Variants in CNBD1 observed in about 807,000 individuals in gnomAD.
The protein encoded by CNBD1 is cyclic nucleotide binding domain containing 1.
In CNBD1, 71 loss-of-function variants were observed where a neutral mutation model predicts 54.4. The ratio of observed to expected loss-of-function variants is 1.30; its 90% CI spans 1.08 to 1.59. The LOEUF is 1.59. Ranked by LOEUF, CNBD1 falls within the 40% of genes most tolerant of loss-of-function variation. The pLI is 0.00. For missense variants in CNBD1, 659 were observed against 518.0 expected (o/e 1.27, Z -2.64); for synonymous variants, 182 against 170.7 (o/e 1.07, Z -0.51).
intron 6 of CNBD1, among the ~76,000 whole-genome samples, chr8:87,240,823 T>C (rs1416735659): frequency 1.3e-5 from 2 of 152,040 alleles, no homozygotes; most frequent in African/African-American, 4.8e-5. Context: ...TGGTGTTGCC[T>C]CCTAGAGGGC....
chr8:87,270,043 A>G (rs543167133), intron 6 of CNBD1, among the ~76,000 whole-genome samples: 1 of 152,142 alleles, frequency 6.6e-6, no homozygotes, highest in East Asian at 1.9e-4. Flanking sequence ...AGCAGCACAT[A>G]TAAAAGTTAA....
chr8:87,143,851 A>G (rs537614578), intron 4 of CNBD1, among the ~76,000 whole-genome samples: 53 of 152,290 alleles, frequency 3.5e-4, no homozygotes, highest in African/African-American at 1.1e-3. Context: ...TTTAAAAAAC[A>G]TTATTTTAAG....
chr8:86,877,398 T>C (rs1808536995), intron 1 of CNBD1, among the ~76,000 whole-genome samples: 1 of 152,186 alleles, frequency 6.6e-6, no homozygotes, highest in Non-Finnish European at 1.5e-5. Context: ...CAGTGCTTAC[T>C]AGGCGAAATT....
Position 87,315,385 on chromosome 8 carries a change from AT to A in CNBD1, c.1042+28725del, listed in dbSNP as rs112581986. Among the ~76,000 whole-genome samples, 198 of 147,718 alleles carry A rather than the reference AT, an allele frequency of 1.3e-3. 1 individual carries two copies. The East Asian group carries it at 0.026, about 19-fold the overall frequency. On this transcript the variant is annotated intron_variant, in intron 8 of 10. Transcript: ENST00000518476. ...TAGGTAATTTATTTTAAAAATAGAG[AT>A]TTTTTTTTTTGGCTCATGGTTCTGC...
intron 6 of CNBD1, among the ~76,000 whole-genome samples, chr8:87,240,768 G>A (rs945313717): frequency 6.6e-6 from 1 of 152,230 alleles, no homozygotes; most frequent in Admixed American, 6.5e-5. Context: ...TCCAAATATA[G>A]GCTCGTTTTC....
intron 8 of CNBD1, among the ~76,000 whole-genome samples, chr8:87,351,086 C>T (rs748005559): frequency 6.6e-6 from 1 of 152,110 alleles, no homozygotes; most frequent in Non-Finnish European, 1.5e-5. Flanking sequence ...AAAGTAAGGA[C>T]TCCTAATTAA....
At chr8:87,421,115 GGTT>G (rs1236543814) in intron 2 of CNBD1, among the ~76,000 whole-genome samples, 1 of 151,632 alleles carries the variant, frequency 6.6e-6, no homozygotes, top group East Asian at 1.9e-4. Context: ...ATATAGTTTG[GGTT>G]GTATTGATTC....
chr8:87,255,991 ATATATATATATATATATATATATATTTT>A (rs1808002599), intron 6 of CNBD1, among the ~76,000 whole-genome samples: 2 of 11,542 alleles, frequency 1.7e-4, no homozygotes, highest in South Asian at 2.7e-3. Context: ...ATATATATAT[ATATATATATATATATATATATATATTTT>A]TTTTTTTTTT....
At chr8:86,951,793 C>T (rs988325515) in intron 4 of CNBD1, among the ~76,000 whole-genome samples, 1 of 151,440 alleles carries the variant, frequency 6.6e-6, no homozygotes, top group Non-Finnish European at 1.5e-5. Flanking sequence ...ATTCACGTTG[C>T]TGTTGTGAAA....
intron 4 of CNBD1, among the ~76,000 whole-genome samples, chr8:87,070,202 TG>T: frequency 6.6e-6 from 1 of 152,148 alleles, no homozygotes; most frequent in Admixed American, 6.6e-5. Flanking sequence ...CACTTGTTCC[TG>T]TCTGGCTGAA....
intron 10 of CNBD1, among the ~76,000 whole-genome samples, chr8:87,362,129 G>T (rs1445667185): frequency 6.6e-6 from 1 of 151,980 alleles, no homozygotes; most frequent in Admixed American, 6.6e-5. Flanking sequence ...TTTCAAAAAT[G>T]AGCTTTCTCA....
chr8:86,933,793 A>G (rs1348729963), intron 3 of CNBD1, among the ~76,000 whole-genome samples: 1 of 152,162 alleles, frequency 6.6e-6, no homozygotes, highest in African/African-American at 2.4e-5. Flanking sequence ...TATAAACAAT[A>G]CCAAAAACCT....
intron 2 of CNBD1, among the ~76,000 whole-genome samples, chr8:87,390,041 C>A (rs1377922320): frequency 6.6e-6 from 1 of 150,698 alleles, no homozygotes; most frequent in East Asian, 1.9e-4. Flanking sequence ...AACAGGCTAG[C>A]CATATGTAGA....
At chr8:86,868,948 A>G (rs186620088) in intron 1 of CNBD1, among the ~76,000 whole-genome samples, 6,194 of 71,838 alleles carry the variant, frequency 0.086, 172 homozygotes, top group Non-Finnish European at 0.11. Context: ...GGAAGGCGAG[A>G]GAGTCAGAAT....
At chr8:86,913,465 T>C (rs1389823439) in intron 3 of CNBD1, among the ~76,000 whole-genome samples, 1 of 152,102 alleles carries the variant, frequency 6.6e-6, no homozygotes, top group East Asian at 1.9e-4. Flanking sequence ...AAGTGTTGGC[T>C]GGTCTGAGAA....
At chr8:87,339,138 G>T (rs1235914551) in intron 8 of CNBD1, among the ~76,000 whole-genome samples, 1 of 152,062 alleles carries the variant, frequency 6.6e-6, no homozygotes, top group Admixed American at 6.5e-5. Flanking sequence ...AGAAGATCTT[G>T]TTAAGGAGAA....
At chr8:87,043,436 T>C (rs11994510) in intron 4 of CNBD1, among the ~76,000 whole-genome samples, 4,334 of 152,310 alleles carry the variant, frequency 0.028, 208 homozygotes, top group African/African-American at 0.097. Flanking sequence ...TATAGAATTC[T>C]TGATTCAACA....
rs1020934442 is a variant in CNBD1 at position 86,940,428 on chromosome 8, C to T, written c.431+674C>T. On this transcript the variant is annotated intron_variant, in intron 4 of 10. Transcript: ENST00000518476. Reference sequence around the variant, plus strand: ...GTGATCTGCCTGCCTCGGCCTCCCTCGGCCTGGGATTACAGGTGTGAGCTT... The same window carrying T: ...GTGATCTGCCTGCCTCGGCCTCCCTTGGCCTGGGATTACAGGTGTGAGCTT... Among the ~76,000 whole-genome samples the T allele has an allele frequency of 1.7e-4, 26 of 152,166 alleles. No individual in the cohort carries two copies. The East Asian group carries it at 3.5e-3, about 20-fold the overall frequency.
chr8:86,976,779 A>G (rs755784786), intron 4 of CNBD1, among the ~76,000 whole-genome samples: 1 of 151,760 alleles, frequency 6.6e-6, no homozygotes, highest in Non-Finnish European at 1.5e-5. Flanking sequence ...ATTTCATTTT[A>G]TTTTCTGATG....
Sources: allele counts gnomAD v4.1 joint callset (sites outside exome capture counted in the v4.1 genomes callset), GRCh38; gene constraint gnomAD v4.1.1; transcripts MANE v1.5; gene names NCBI Gene and HGNC (gene_info 2026-07-23, HGNC 2026-07-21).